GDF1: variants seen among roughly 807,000 people sequenced by gnomAD.
GDF1 encodes growth differentiation factor 1.
In GDF1, 8 loss-of-function variants were observed where a neutral mutation model predicts 7.4. The ratio of observed to expected loss-of-function variants is 1.09; its 90% confidence interval spans 0.64 to 1.96. The LOEUF (loss-of-function observed/expected upper bound fraction) is 1.96, where lower values mean the gene tolerates loss of function less well. Ranked by LOEUF, GDF1 falls within the 30% of genes most tolerant of loss-of-function variation. GDF1 has a pLI of 0.00. For missense variants in GDF1, 574 were observed against 551.5 expected (o/e 1.04, Z -0.41); for synonymous variants, 311 against 276.7 (o/e 1.12, Z -1.23).
chr19:18,896,093 G>C lies in GDF1; in HGVS notation c.-1343C>G. The C allele has an allele frequency of 5.4e-6, 5 of 920,244 alleles. No individual in the cohort carries two copies. Among genetic ancestry groups the C allele is most frequent in the Non-Finnish European group, 6.5e-6 (5 of 773,078 alleles). 57.0% of individuals were successfully genotyped at this position (920,244 alleles called of 1,614,324 possible). ...GCCATACCGCCCGCTCGCCCGCCGT[G>C]CCCGTCGCCTGCGCCCGCCCGCGGT... On this transcript the variant is annotated 5_prime_UTR_variant, in exon 1 of 8. Transcript: ENST00000247005. The surrounding 1 kb of genome is among the most constrained non-coding windows in gnomAD (Gnocchi z 5.9).
At position 18,869,116 on chromosome 19, in the gene GDF1, GC is replaced by G. The variant is rs1278489593; in HGVS notation, c.599del (p.Gly200AlafsTer39). ...LGPPVRAELL[G>X]AAWARNASWP... ...ATGAGGCGTTGCGAGCCCAAGCGGC[GC>G]CCAGCAGCTCCGCGCGCACTGGCGG... is the stretch of plus-strand genomic sequence containing the variant. On this transcript the variant is annotated frameshift_variant, in exon 8 of 8. Transcript: ENST00000247005. LOFTEE classifies it low-confidence loss of function (END_TRUNC). 9.2e-7 allele frequency: 1 copy of G among 1,087,682 alleles called. No individual in the cohort carries two copies. Among genetic ancestry groups the G allele is most frequent in the Non-Finnish European group, 1.1e-6 (1 of 894,854 alleles). 67.4% of individuals were successfully genotyped at this position (1,087,682 alleles called of 1,614,324 possible). A position where few individuals can be genotyped will look rare whatever the true frequency, so the allele number is the denominator to read the frequency against.
Position 18,869,181 on chromosome 19 carries a change from C to G in GDF1, c.535G>C (p.Gly179Arg). Residue 179 changes from glycine to arginine, a missense_variant, in exon 8 of 8, where the codon GGG (glycine) becomes CGG (arginine). Coordinates refer to ENST00000247005, the MANE Select transcript of GDF1 (RefSeq NM_001492.6). ...ACCAACTGGCGGAGCAGCACCGGCC[C>G]GGGGTCCGCGCCCGCGCCCTGGCCC... Reference protein sequence around the residue: ...QAGQGAGADPGPVLLRQLVPA... With the variant: ...QAGQGAGADPRPVLLRQLVPA... The G allele has an allele frequency of 8.6e-7, 1 of 1,165,088 alleles. No individual in the cohort carries two copies. Among genetic ancestry groups the G allele is most frequent in the Non-Finnish European group, 1.1e-6 (1 of 946,436 alleles). The allele number at this position is 1,165,088 out of a possible 1,614,324, so 72.2% of individuals were successfully genotyped here. A position where few individuals can be genotyped will look rare whatever the true frequency, so the allele number is the denominator to read the frequency against.
intron 6 of GDF1, among the ~76,000 whole-genome samples, chr19:18,875,362 A>G (rs1374323570): frequency 6.6e-6 from 1 of 152,096 alleles, no homozygotes; most frequent in Non-Finnish European, 1.5e-5. Flanking sequence ...CCTGGCCAAC[A>G]TGGTGAAACC....
rs778227106 is a variant in GDF1, at chr19:18,879,305, G to C, written c.-487C>G. On this transcript the variant is annotated 5_prime_UTR_variant, in exon 5 of 8. Transcript: ENST00000247005. ...GAGCGCATTGAAGAAGAAGTAGAAG[G>C]GGATGTCAGGCACCGTGCGCAGACT... 3 of 1,612,660 alleles carry C rather than the reference G, an allele frequency of 1.9e-6. No homozygotes were observed. In the African/African-American group the frequency reaches 4.0e-5, roughly 22 times the overall value.
At chr19:18,877,185 T>A (rs1176163389) in intron 6 of GDF1, among the ~76,000 whole-genome samples, 4 of 152,152 alleles carry the variant, frequency 2.6e-5, no homozygotes, top group Non-Finnish European at 4.4e-5. Flanking sequence ...CTGTACAGGG[T>A]GCATGCTTTG....
intron 2 of GDF1, among the ~76,000 whole-genome samples, chr19:18,884,489 G>A (rs1253333472): frequency 6.6e-6 from 1 of 151,142 alleles, no homozygotes; most frequent in Admixed American, 6.6e-5. Context: ...CATGATCTCA[G>A]CTCCACATCC....
At position 18,896,022 on chromosome 19, in the gene GDF1, CGGCATG is replaced by C; in HGVS notation, c.-1278_-1273del. ...CGCGCTGCACTAGCTGCGCGTAGCT[CGGCATG>C]GGCTCGGGCCCCGTCGGCCCCGCCG... is the stretch of plus-strand genomic sequence containing the variant. On this transcript the variant is annotated 5_prime_UTR_variant, in exon 1 of 8. An upstream start codon of the reference 5' UTR is lost. Transcript: ENST00000247005. The surrounding 1 kb of genome is among the most constrained non-coding windows in gnomAD (Gnocchi z 5.9). The C allele has an allele frequency of 1.0e-6, 1 of 1,004,852 alleles. No homozygotes were observed. The highest frequency in any genetic ancestry group is 1.2e-6 in the Non-Finnish European group (1 of 843,708). 62.2% of individuals were successfully genotyped at this position (1,004,852 alleles called of 1,614,324 possible).
At chr19:18,877,969 G>A (rs1208524072) in intron 6 of GDF1, 1 of 985,122 alleles carries the variant, frequency 1.0e-6, no homozygotes, top group Non-Finnish European at 1.2e-6. Flanking sequence ...GAATCTGATG[G>A]GTTCTCCCTT....
intron 2 of GDF1, among the ~76,000 whole-genome samples, chr19:18,886,863 G>GCCAC (rs2056374024): frequency 6.6e-6 from 1 of 152,172 alleles, no homozygotes; most frequent in Admixed American, 6.5e-5. Context: ...TTTGGCCCAT[G>GCCAC]CCACCCCCAC....
chr19:18,870,140 C>G lies in GDF1; in HGVS notation c.168G>C (p.Arg56=). Residue 56 remains arginine, a synonymous_variant, in exon 7 of 8, where the codon CGG becomes CGC. Transcript: ENST00000247005. The surrounding 1 kb of genome is among the most constrained non-coding windows in gnomAD (Gnocchi z 5.1). The stretch of plus-strand genomic sequence containing the variant: ...GGCGCCACATGACCGGGGGAACCGG[C>G]CGGAGCCTGGGGGCACCCTGGGGCT... The part of the protein sequence containing the change: ...RDEPQGAPRL[R]PVPPVMWRLF... The G allele has an allele frequency of 6.4e-7, 1 of 1,564,672 alleles. No individual in the cohort carries two copies. The highest frequency in any genetic ancestry group is 8.6e-7 in the Non-Finnish European group (1 of 1,160,826).
intron 3 of GDF1, chr19:18,883,205 G>A (rs1568300759): frequency 6.6e-6 from 1 of 152,062 alleles, no homozygotes; most frequent in African/African-American, 2.4e-5. Context: ...CCCTATTATC[G>A]CAGCTAGAGC....
At chr19:18,884,002 C>G (rs1208249377) in intron 3 of GDF1, 85 bp downstream of exon 3, 182 of 1,422,114 alleles carry the variant, frequency 1.3e-4, no homozygotes, top group Non-Finnish European at 1.7e-4. Flanking sequence ...CCCTCCACGG[C>G]CTCCTCTGTG....
chr19:18,892,816 C>T (rs892230136), intron 2 of GDF1, among the ~76,000 whole-genome samples: 1 of 152,088 alleles, frequency 6.6e-6, no homozygotes, highest in Non-Finnish European at 1.5e-5. Flanking sequence ...CCAGATACCC[C>T]CTTTCCTGTC....
intron 2 of GDF1, among the ~76,000 whole-genome samples, chr19:18,884,689 G>A (rs1002799080): frequency 6.2e-5 from 9 of 145,728 alleles, no homozygotes; most frequent in African/African-American, 1.3e-4. Flanking sequence ...TTACAGGCGT[G>A]AGCCACCCCG....
intron 2 of GDF1, among the ~76,000 whole-genome samples, chr19:18,890,105 C>T (rs544852992): frequency 2.0e-5 from 3 of 152,284 alleles, no homozygotes; most frequent in Non-Finnish European, 4.4e-5. Flanking sequence ...AAATCCTGAC[C>T]GTGGCCTCCG....
At chr19:18,886,325 G>A (rs966428979) in intron 2 of GDF1, among the ~76,000 whole-genome samples, 31 of 152,222 alleles carry the variant, frequency 2.0e-4, no homozygotes, top group African/African-American at 6.5e-4. Context: ...CGAGGCGGGC[G>A]GATCACAAGG....
At position 18,869,131 on chromosome 19, in the gene GDF1, G is replaced by A. The variant is rs1010776708; in HGVS notation, c.585C>T (p.Arg195=). The change falls in exon 8 of 8, where the codon CGC becomes CGT. Residue 195 remains arginine, a synonymous_variant. Coordinates refer to ENST00000247005, the MANE Select transcript of GDF1 (RefSeq NM_001492.6). The part of the protein sequence containing the change: ...QLVPALGPPV[R]AELLGAAWAR... ...CCCAAGCGGCGCCCAGCAGCTCCGC[G>A]CGCACTGGCGGCCCCAGGGCGGGCA... 2 of 1,100,016 alleles carry A rather than the reference G, an allele frequency of 1.8e-6. No homozygotes were observed. Among genetic ancestry groups the A allele is most frequent in the Admixed American group, 5.2e-5 (1 of 19,156 alleles). The allele number at this position is 1,100,016 out of a possible 1,614,324, so 68.1% of individuals were successfully genotyped here. A position where few individuals can be genotyped will look rare whatever the true frequency, so the allele number is the denominator to read the frequency against.
Position 18,896,083 on chromosome 19 carries a change from C to CG in GDF1, c.-1334dup. The CG allele has an allele frequency of 2.1e-6, 2 of 950,670 alleles. No individual in the cohort carries two copies. The highest frequency in any genetic ancestry group is 2.5e-6 in the Non-Finnish European group (2 of 800,676). The allele number at this position is 950,670 out of a possible 1,614,324, so 58.9% of individuals were successfully genotyped here. On this transcript the variant is annotated 5_prime_UTR_variant, in exon 1 of 8. Transcript: ENST00000247005. The surrounding 1 kb of genome is among the most constrained non-coding windows in gnomAD (Gnocchi z 5.9). The stretch of plus-strand genomic sequence containing the variant: ...CCCCGCCGCCGCCATACCGCCCGCT[C>CG]GCCCGCCGTGCCCGTCGCCTGCGCC...
chr19:18,888,254 G>C (rs1299479528), intron 2 of GDF1, among the ~76,000 whole-genome samples: 1 of 152,058 alleles, frequency 6.6e-6, no homozygotes, highest in African/African-American at 2.4e-5. Context: ...AGCTATTCGG[G>C]AGGCTGAGGC....
Sources: gnomAD v4.1 joint callset for allele counts (sites outside exome capture counted in the v4.1 genomes callset) on GRCh38, gnomAD v4.1.1 for gene constraint, Gnocchi (gnomAD v3.1) non-coding constraint, MANE v1.5 for transcripts, NCBI Gene and HGNC (gene_info 2026-07-23, HGNC 2026-07-21) for gene names.